The following CDH5 variants were observed in gnomAD, a reference collection of about 807,000 sequenced individuals.
The protein encoded by CDH5 is cadherin 5.
A neutral mutation model predicts 62.0 loss-of-function variants in CDH5; 28 were observed. The ratio of observed to expected loss-of-function variants is 0.45; its 90% CI spans 0.33 to 0.62. CDH5 has a LOEUF of 0.62. Ranked by LOEUF, CDH5 falls within the 20% of genes least tolerant of loss-of-function variation. The probability of loss-of-function intolerance (pLI) is 0.02; values close to 1 mark genes in which losing one functional copy is unlikely to be tolerated. For synonymous variants in CDH5, 464 were observed against 445.8 expected (o/e 1.04, Z -0.52); for missense variants, 940 against 1,065.1 (o/e 0.88, Z 1.63).
At chr16:66,379,689 T>C in intron 2 of CDH5, 142 bp downstream of exon 2, 1 of 703,230 alleles carries the variant, frequency 1.4e-6, no homozygotes, top group Non-Finnish European at 2.5e-6. Flanking sequence ...GTGAAGGTGG[T>C]AGCAATAGTG....
intron 7 of CDH5, 114 bp from the exon 8 acceptor site, chr16:66,395,945 G>A (rs1428624785): frequency 4.8e-6 from 5 of 1,031,820 alleles, no homozygotes; most frequent in Admixed American, 2.3e-5. Context: ...CAGTGAGAGA[G>A]GGGCATGGAG....
At chr16:66,396,908 C>T (rs1004835737) in intron 8 of CDH5, among the ~76,000 whole-genome samples, 1 of 152,168 alleles carries the variant, frequency 6.6e-6, no homozygotes, top group Non-Finnish European at 1.5e-5. Context: ...CAGCTGCTGC[C>T]CCAAACTGTA....
At chr16:66,401,150 G>T (rs1961275149) in intron 11 of CDH5, 134 bp downstream of exon 11, 3 of 1,163,694 alleles carry the variant, frequency 2.6e-6, no homozygotes, top group Non-Finnish European at 3.7e-6. Flanking sequence ...CTGCAATGCA[G>T]CCCTTAGCCA....
rs16956507 is a variant in CDH5 at position 66,398,750 on chromosome 16, A to G, written c.1591+189A>G. ...CCGTCTCCAAAAAAAGAACAAATGC[A>G]GTCAGTTGGCTCTAACAGGGTCGGG... is the stretch of plus-strand genomic sequence containing the variant. On this transcript the variant is annotated intron_variant, in intron 10 of 11. Transcript: ENST00000341529. Among the ~76,000 whole-genome samples the G allele has an allele frequency of 0.035, 5,351 of 152,280 alleles. 285 individuals are homozygous for G. Among genetic ancestry groups the G allele is most frequent in the African/African-American group, 0.12 (5,022 of 41,554 alleles).
Position 66,403,197 on chromosome 16 carries a change from AC to A in CDH5, c.*31del. 6.3e-7 allele frequency: 1 copy of A among 1,582,710 alleles called. No individual in the cohort carries two copies. The highest frequency in any genetic ancestry group is 8.6e-7 in the Non-Finnish European group (1 of 1,166,060). On this transcript the variant is annotated 3_prime_UTR_variant, in exon 12 of 12. Transcript: ENST00000341529. This position sits in a 1 kb window ranked among gnomAD's most constrained non-coding sequence, Gnocchi z 4.3. ...GGCCGAGGTCACTCTGGGCCTGGGG[AC>A]CCAAACCCCCTGCAGCCCAGGCCAG...
intron 7 of CDH5, chr16:66,395,827 C>A (rs1470464516): frequency 2.3e-6 from 1 of 433,288 alleles, no homozygotes; most frequent in Non-Finnish European, 4.1e-6. Flanking sequence ...TCTCAGGTAC[C>A]ACCTCCAGTC....
chr16:66,398,704 C>A (rs1961232235), intron 10 of CDH5, 143 bp downstream of exon 10: 2 of 556,890 alleles, frequency 3.6e-6, no homozygotes, highest in Non-Finnish European at 6.6e-6. Flanking sequence ...TGCACTCCAG[C>A]CCGGGCGACA....
intron 5 of CDH5, 59 bp downstream of exon 5, chr16:66,389,581 T>A: frequency 7.2e-7 from 1 of 1,389,062 alleles, no homozygotes; most frequent in Non-Finnish European, 9.7e-7. Flanking sequence ...ACTCAGTGAC[T>A]TGGGGCTCTG....
chr16:66,402,632 G>T lies in CDH5; in HGVS notation c.1838-20G>T. ...GCCCCCAGCCTTGTCTGACTCTGCT[G>T]CTCGGCTCCCTGGCTGCAGTGATCA... is the stretch of plus-strand genomic sequence containing the variant. On this transcript the variant is annotated intron_variant, in intron 11 of 11. Coordinates refer to ENST00000341529, the MANE Select transcript of CDH5 (RefSeq NM_001795.5). 1.3e-6 allele frequency: 2 copies of T among 1,548,852 alleles called. No homozygotes were observed. The highest frequency in any genetic ancestry group is 1.4e-5 in the African/African-American group (1 of 73,528).
At chr16:66,387,253 C>T (rs1961003249) in intron 3 of CDH5, among the ~76,000 whole-genome samples, 156 bp downstream of exon 3, 1 of 152,258 alleles carries the variant, frequency 6.6e-6, no homozygotes, top group South Asian at 2.1e-4. Flanking sequence ...TTGAAAGAAA[C>T]TCTAGTTCCT....
At chr16:66,379,922 T>C (rs1438701830) in intron 2 of CDH5, among the ~76,000 whole-genome samples, 1 of 107,672 alleles carries the variant, frequency 9.3e-6, no homozygotes, top group African/African-American at 3.7e-5. Flanking sequence ...GATAAAGGGG[T>C]AGGTGTTGGT....
intron 10 of CDH5, among the ~76,000 whole-genome samples, chr16:66,399,172 C>A (rs1257733120): frequency 6.6e-6 from 1 of 152,200 alleles, no homozygotes; most frequent in African/African-American, 2.4e-5. Flanking sequence ...TTTAATTCAG[C>A]TACAACGATT....
chr16:66,388,866 G>T (rs75977661), intron 4 of CDH5, among the ~76,000 whole-genome samples: 20 of 152,194 alleles, frequency 1.3e-4, no homozygotes, highest in Middle Eastern at 3.4e-3. Context: ...TATTTATATC[G>T]TATGGTAGCT....
At chr16:66,399,898 T>C (rs1005339175) in intron 10 of CDH5, among the ~76,000 whole-genome samples, 3 of 152,270 alleles carry the variant, frequency 2.0e-5, no homozygotes, top group African/African-American at 7.2e-5. Flanking sequence ...TGAAATATAA[T>C]TGGCTTTCAT....
At position 66,387,835 on chromosome 16, in the gene CDH5, A is replaced by C. The variant is rs947975477; in HGVS notation, c.500-489A>C. The stretch of plus-strand genomic sequence containing the variant: ...TGGGCTCTGGGCTCAGGAGGTTACT[A>C]CTCCACCTCTTCAGTACACCTCAGA... On this transcript the variant is annotated intron_variant, in intron 3 of 11. Transcript: ENST00000341529. Among the ~76,000 whole-genome samples, 12 of 151,916 alleles carry C rather than the reference A, an allele frequency of 7.9e-5. No individual in the cohort carries two copies. The East Asian group carries it at 1.4e-3, about 17-fold the overall frequency.
At chr16:66,367,652 A>C (rs1379033169) in intron 1 of CDH5, among the ~76,000 whole-genome samples, 2 of 152,156 alleles carry the variant, frequency 1.3e-5, no homozygotes, top group African/African-American at 2.4e-5. Context: ...TGTGGGGCTC[A>C]TTATTTTACC....
rs552387963 is a variant in CDH5, at chr16:66,390,566, C to T, written c.945C>T (p.Asn315=). The T allele has an allele frequency of 1.5e-5, 24 of 1,614,156 alleles. No homozygotes were observed. Among genetic ancestry groups the T allele is most frequent in the South Asian group, 8.8e-5 (8 of 91,078 alleles). ...CCATTGAGACAAACCCCGCCCACAA[C>T]GAGGGCATCATCAAGCCCATGAAGG... The part of the protein sequence containing the change: ...AFTIETNPAH[N]EGIIKPMKPL... The change falls in exon 6 of 12, where the codon AAC becomes AAT. Residue 315 remains asparagine, a synonymous_variant. Transcript: ENST00000341529.
At chr16:66,379,253 A>G (rs1316434594) in intron 1 of CDH5, 66 bp from the exon 2 acceptor site, 1 of 1,161,754 alleles carries the variant, frequency 8.6e-7, no homozygotes, top group African/African-American at 1.5e-5. Context: ...TATGTGAAAT[A>G]CCTGTGTCTA....
In CDH5 at chr16:66,402,676, G is replaced by C; in HGVS notation, c.1862G>C (p.Arg621Pro). 1.2e-6 allele frequency: 2 copies of C among 1,602,682 alleles called. No individual in the cohort carries two copies. Among genetic ancestry groups the C allele is most frequent in the Non-Finnish European group, 1.7e-6 (2 of 1,176,016 alleles). Residue 621 changes from arginine to proline, a missense_variant, in exon 12 of 12, where the codon CGG becomes CCG. Physicochemically the swap from Arg to Pro is moderately radical, Grantham distance 103. Transcript: ENST00000341529. Reference protein sequence around the residue: ...ITVITLLIFLRRRLRKQARAH... With the variant: ...ITVITLLIFLPRRLRKQARAH... ...GTGATCACCCTGCTCATCTTCCTGCGGCGGCGGCTCCGGAAGCAGGCCCGC... is the reference window on the plus strand; with the variant it reads ...GTGATCACCCTGCTCATCTTCCTGCCGCGGCGGCTCCGGAAGCAGGCCCGC...
Sources: gnomAD v4.1 joint callset for allele counts (sites outside exome capture counted in the v4.1 genomes callset) on GRCh38, gnomAD v4.1.1 for gene constraint, Gnocchi (gnomAD v3.1) non-coding constraint, MANE v1.5 for transcripts, NCBI Gene and HGNC (gene_info 2026-07-23, HGNC 2026-07-21) for gene names.